FHAD1: variants seen among roughly 807,000 people sequenced by gnomAD.
FHAD1 encodes forkhead associated phosphopeptide binding domain 1.
A neutral mutation model predicts 191.3 loss-of-function variants in FHAD1; 146 were observed. That is an observed-to-expected ratio of 0.76 (90% CI 0.67 to 0.88). The LOEUF (loss-of-function observed/expected upper bound fraction) is 0.88. FHAD1 is among the 40% of genes least tolerant of loss of function. The probability of loss-of-function intolerance (pLI) is 0.00; values close to 1 mark genes in which losing one functional copy is unlikely to be tolerated. For missense variants in FHAD1, 1,635 were observed against 1,785.8 expected, an observed-to-expected ratio of 0.92 and a Z score of 1.52; for synonymous variants, 616 against 672.3, an observed-to-expected ratio of 0.92 and a Z score of 1.29.
At chr1:15,388,862 G>C (rs538394531) in intron 32 of FHAD1, among the ~76,000 whole-genome samples, 1 of 152,322 alleles carries the variant, frequency 6.6e-6, no homozygotes, top group South Asian at 2.1e-4. Flanking sequence ...AACAGCCTTC[G>C]TGGGGTGACA....
chr1:15,328,558 TCTTGTTGGAGAAA>T lies in FHAD1; in HGVS notation c.1710+142_1710+154del, dbSNP rs138895630. ...CTTGGCTTTTCTATCCACTTTTTCC[TCTTGTTGGAGAAA>T]CTTGTTGGAGAAGAAAAAACAAAGG... On this transcript the variant is annotated intron_variant, in intron 13 of 33. Transcript: ENST00000688493. 1.8e-3 allele frequency: 1,374 copies of T among 783,578 alleles called. 15 individuals are homozygous for T. The African/African-American group carries it at 0.022, about 12-fold the overall frequency. The allele number at this position is 783,578 out of a possible 1,614,324, so 48.5% of individuals were successfully genotyped here.
At chr1:15,339,870 G>T (rs767177223) in intron 15 of FHAD1, among the ~76,000 whole-genome samples, 1 of 151,926 alleles carries the variant, frequency 6.6e-6, no homozygotes, top group Non-Finnish European at 1.5e-5. Flanking sequence ...CTGTTGCCCA[G>T]ACTGGAGTAC....
At chr1:15,287,507 G>C (rs935585366) in intron 3 of FHAD1, among the ~76,000 whole-genome samples, 2 of 152,170 alleles carry the variant, frequency 1.3e-5, no homozygotes, top group East Asian at 3.9e-4. Context: ...GGTGGGGAAA[G>C]CCCATTATAA....
chr1:15,346,424 T>C (rs1341730015), intron 18 of FHAD1, among the ~76,000 whole-genome samples: 1 of 151,980 alleles, frequency 6.6e-6, no homozygotes, highest in Non-Finnish European at 1.5e-5. Flanking sequence ...TTTGCCAGAG[T>C]CCTCACCACT....
intron 3 of FHAD1, among the ~76,000 whole-genome samples, chr1:15,280,778 C>T (rs77232906): frequency 0.023 from 3,557 of 152,210 alleles, 92 homozygotes; most frequent in South Asian, 0.083. Context: ...AGTGTTTTCT[C>T]CTTAGATTCT....
chr1:15,307,461 A>G (rs1036507448), intron 6 of FHAD1, among the ~76,000 whole-genome samples: 4 of 152,190 alleles, frequency 2.6e-5, no homozygotes, highest in Non-Finnish European at 5.9e-5. Context: ...CAGGGGCAGA[A>G]TGATATGGTT....
chr1:15,258,313 A>G (rs186812649), intron 2 of FHAD1, among the ~76,000 whole-genome samples: 500 of 152,336 alleles, frequency 3.3e-3, no homozygotes, highest in African/African-American at 0.012. Flanking sequence ...TGCCTGTAGC[A>G]GGTTCCTCAT....
At chr1:15,299,735 AC>A (rs1392512166) in intron 5 of FHAD1, among the ~76,000 whole-genome samples, 3 of 152,262 alleles carry the variant, frequency 2.0e-5, no homozygotes, top group African/African-American at 7.2e-5. Context: ...AGCGTGGCAC[AC>A]AGTAGATGCT....
rs1671319722 is a variant in FHAD1, at chr1:15,308,700, G to A, written c.1003G>A (p.Gly335Ser). 2.6e-6 allele frequency: 4 copies of A among 1,551,628 alleles called. No individual in the cohort carries two copies. The highest frequency in any genetic ancestry group is 2.4e-5 in the South Asian group (2 of 84,070). The change falls in exon 7 of 34, where the codon GGC (glycine) becomes AGC (serine). Residue 335 changes from glycine (G) to serine (S), a missense_variant. Gly to Ser is a moderately conservative substitution (Grantham distance 56, BLOSUM62 0). Transcript: ENST00000688493. Reference sequence around the variant, plus strand: ...AGAAATCACATCCCTGAAGAATGAGGGCGAGAACTTAAAGAGAGACAACGC... The same window carrying A: ...AGAAATCACATCCCTGAAGAATGAGAGCGAGAACTTAAAGAGAGACAACGC... ...NSEITSLKNE[G>S]ENLKRDNAIT...
chr1:15,242,524 A>G (rs767013294), upstream of FHAD1, among the ~76,000 whole-genome samples: 1 of 152,344 alleles, frequency 6.6e-6, no homozygotes, highest in South Asian at 2.1e-4. Flanking sequence ...GTTTGCCCAC[A>G]TGCCTGGAAG....
chr1:15,396,344 A>C (rs143511177), intron 33 of FHAD1, among the ~76,000 whole-genome samples: 110 of 151,986 alleles, frequency 7.2e-4, no homozygotes, highest in African/African-American at 2.5e-3. Context: ...AAGAAAAAAT[A>C]GAGAAAAGGA....
At position 15,289,483 on chromosome 1, in the gene FHAD1, C is replaced by T. The variant is rs1336480031; in HGVS notation, c.385C>T (p.Pro129Ser). The T allele has an allele frequency of 2.6e-6, 4 of 1,551,886 alleles. No homozygotes were observed. The Admixed American group carries it at 5.9e-5, about 23-fold the overall frequency. The change falls in exon 4 of 34, where the codon CCA becomes TCA. Residue 129 changes from proline (P) to serine (S), a missense_variant. Pro to Ser is a moderately conservative substitution (Grantham distance 74, BLOSUM62 -1). Coordinates refer to ENST00000688493, the MANE Select transcript of FHAD1 (RefSeq NM_001391957.1). The surrounding 1 kb of genome is among the most constrained non-coding windows in gnomAD (Gnocchi z 4.2). ...CACACAGCAGCCAAACCAGGCCCCC[C>T]CACCATCACATATCCCCTTCCACCA... ...RATQQPNQAP[P>S]PSHIPFHQGV...
intron 31 of FHAD1, among the ~76,000 whole-genome samples, chr1:15,385,230 G>A (rs773815130): frequency 6.6e-6 from 1 of 151,230 alleles, no homozygotes. Flanking sequence ...GTATACATCT[G>A]TTTAGGCAGC....
At chr1:15,330,172 C>A (rs1465572846) in intron 14 of FHAD1, 1 of 152,562 alleles carries the variant, frequency 6.6e-6, no homozygotes, top group Non-Finnish European at 1.5e-5. Flanking sequence ...GTAGGATGTG[C>A]CATTGTTTTA....
chr1:15,308,801 A>G (rs1195676615), intron 7 of FHAD1, 65 bp downstream of exon 7: 1 of 1,545,960 alleles, frequency 6.5e-7, no homozygotes, highest in Non-Finnish European at 8.7e-7. Context: ...GCCACAGCAG[A>G]CATCACCAAT....
intron 33 of FHAD1, among the ~76,000 whole-genome samples, chr1:15,393,384 A>G (rs1704791095): frequency 6.6e-6 from 1 of 151,694 alleles, no homozygotes; most frequent in Non-Finnish European, 1.5e-5. Flanking sequence ...CTTTCTATGT[A>G]TAAAGCAATA....
Position 15,382,111 on chromosome 1 carries a change from C to T in FHAD1, c.4106C>T (p.Ala1369Val), listed in dbSNP as rs1557427469. Residue 1369 changes from alanine to valine, a missense_variant, in exon 31 of 34, where the codon GCC (alanine) becomes GTC (valine). By Grantham distance (64) the Ala-to-Val change is moderately conservative (BLOSUM62 0). Coordinates refer to ENST00000688493, the MANE Select transcript of FHAD1 (RefSeq NM_001391957.1). ...DDIYKEAEEK[A>V]LLKEALERME... ...ATCTACAAAGAGGCCGAAGAGAAGG[C>T]CCTGCTGAAGGAGGCCCTGGAGCGC... 2 of 1,552,106 alleles carry T rather than the reference C, an allele frequency of 1.3e-6. No homozygotes were observed. Among genetic ancestry groups the T allele is most frequent in the Non-Finnish European group, 8.7e-7 (1 of 1,147,070 alleles).
chr1:15,365,217 C>T (rs562463549), intron 23 of FHAD1, among the ~76,000 whole-genome samples: 70 of 152,334 alleles, frequency 4.6e-4, no homozygotes, highest in African/African-American at 1.6e-3. Flanking sequence ...CAGAAGTCCA[C>T]AGGCACATCC....
Position 15,276,145 on chromosome 1 carries a change from C to T in FHAD1, c.300+3616C>T, listed in dbSNP as rs1206900002. The stretch of plus-strand genomic sequence containing the variant: ...CTGTGGGATCATGCACAAGTTGCTT[C>T]ACCTCTCAAAGCCTCAGTTCCCATT... On this transcript the variant is annotated intron_variant, in intron 3 of 33. Coordinates refer to ENST00000688493, the MANE Select transcript of FHAD1 (RefSeq NM_001391957.1). This position sits in a 1 kb window ranked among gnomAD's most constrained non-coding sequence, Gnocchi z 4.7. Among the ~76,000 whole-genome samples the T allele has an allele frequency of 6.6e-6, 1 of 152,240 alleles. No individual in the cohort carries two copies. The highest frequency in any genetic ancestry group is 1.9e-4 in the East Asian group (1 of 5,200).
Sources: gnomAD v4.1 joint callset for allele counts (sites outside exome capture counted in the v4.1 genomes callset) on GRCh38, gnomAD v4.1.1 for gene constraint, Gnocchi (gnomAD v3.1) non-coding constraint, MANE v1.5 for transcripts, NCBI Gene and HGNC (gene_info 2026-07-23, HGNC 2026-07-21) for gene names.